The following WWOX variants were observed in gnomAD, a reference collection of about 807,000 sequenced individuals.
The protein encoded by WWOX is WW domain-containing oxidoreductase.
Under a neutral mutation model 46.2 loss-of-function variants are expected in WWOX, and 69 were observed. The observed-to-expected ratio is 1.49, with a 90% confidence interval of 1.23 to 1.82. The LOEUF is 1.82. Among genes scored for constraint, WWOX ranks in the 40% most tolerant of loss-of-function variants. The pLI, the probability that WWOX is intolerant of heterozygous loss-of-function variation, is 0.00. For synonymous variants in WWOX, 359 were observed against 202.6 expected, an observed-to-expected ratio of 1.77 and a Z score of -6.56; for missense variants, 919 against 542.6, an observed-to-expected ratio of 1.69 and a Z score of -6.89.
chr16:78,837,780 C>G (rs919279338), intron 8 of WWOX, among the ~76,000 whole-genome samples: 2 of 152,032 alleles, frequency 1.3e-5, no homozygotes, highest in African/African-American at 4.8e-5. Flanking sequence ...TCTATACTTC[C>G]TAGATTTGGG....
intron 8 of WWOX, among the ~76,000 whole-genome samples, chr16:78,569,174 A>G (rs1434433093): frequency 6.6e-6 from 1 of 152,200 alleles, no homozygotes; most frequent in Non-Finnish European, 1.5e-5. Context: ...ATGGGCAGAA[A>G]TGTGACTTTC....
At chr16:78,628,440 T>A (rs982422605) in intron 8 of WWOX, among the ~76,000 whole-genome samples, 3 of 152,176 alleles carry the variant, frequency 2.0e-5, no homozygotes, top group African/African-American at 7.2e-5. Context: ...GAATCAGTAT[T>A]TCTATCAAGC....
chr16:78,906,697 T>C (rs1193382486), intron 8 of WWOX, among the ~76,000 whole-genome samples: 1 of 152,234 alleles, frequency 6.6e-6, no homozygotes, highest in Non-Finnish European at 1.5e-5. Flanking sequence ...GGAAGGACCT[T>C]ATCCTGTCAG....
intron 8 of WWOX, among the ~76,000 whole-genome samples, chr16:78,514,908 A>C (rs367718006): frequency 6.6e-6 from 1 of 152,194 alleles, no homozygotes; most frequent in Non-Finnish European, 1.5e-5. Flanking sequence ...TCAGGTAGCA[A>C]GATGGCCATG....
intron 8 of WWOX, among the ~76,000 whole-genome samples, chr16:78,787,461 T>G: frequency 6.6e-6 from 1 of 152,208 alleles, no homozygotes; most frequent in African/African-American, 2.4e-5. Context: ...TTAGCATGCT[T>G]TCAAGGTTCA....
chr16:78,579,588 A>G (rs552270393), intron 8 of WWOX, among the ~76,000 whole-genome samples: 1 of 152,268 alleles, frequency 6.6e-6, no homozygotes, highest in African/African-American at 2.4e-5. Flanking sequence ...TCTAATTAAG[A>G]AACAGAAGCC....
intron 8 of WWOX, among the ~76,000 whole-genome samples, chr16:78,648,776 C>A (rs572926773): frequency 2.0e-5 from 3 of 152,186 alleles, no homozygotes; most frequent in Non-Finnish European, 4.4e-5. Flanking sequence ...TCTCCACCTC[C>A]TTTGAGCCTC....
intron 5 of WWOX, among the ~76,000 whole-genome samples, chr16:78,369,227 G>T (rs988750734): frequency 6.6e-6 from 1 of 152,106 alleles, no homozygotes; most frequent in African/African-American, 2.4e-5. Context: ...AGTGATGTCA[G>T]ATTTCTCCTC....
rs79911712 is a variant in WWOX, at chr16:78,610,010, A to G, written c.1056+177258A>G. On this transcript the variant is annotated intron_variant, in intron 8 of 8. Transcript: ENST00000566780. Reference sequence around the variant, plus strand: ...ACAGTGACGCAAACGACCTTTATTTAGCAGAAGGTAGCTCTGCGAATCCGC... The same window carrying G: ...ACAGTGACGCAAACGACCTTTATTTGGCAGAAGGTAGCTCTGCGAATCCGC... Among the ~76,000 whole-genome samples the G allele has an allele frequency of 1.8e-3, 217 of 122,040 alleles. 1 individual carries two copies. Among genetic ancestry groups the G allele is most frequent in the African/African-American group, 6.9e-3 (210 of 30,642 alleles). The allele number at this position is 122,040 out of a possible 152,430, so 80.1% of individuals were successfully genotyped here. A position where few individuals can be genotyped will look rare whatever the true frequency, so the allele number is the denominator to read the frequency against.
chr16:78,456,391 A>T (rs1221300995), intron 8 of WWOX, among the ~76,000 whole-genome samples: 3 of 151,250 alleles, frequency 2.0e-5, no homozygotes, highest in African/African-American at 2.5e-5. Context: ...GTTAAAAAAA[A>T]TTTAATTTTG....
At chr16:78,929,344 T>C (rs978525484) in intron 8 of WWOX, among the ~76,000 whole-genome samples, 2 of 152,156 alleles carry the variant, frequency 1.3e-5, no homozygotes, top group Non-Finnish European at 2.9e-5. Flanking sequence ...ATTTTCAGTT[T>C]CTATATAGTG....
chr16:79,158,071 AG>A lies in WWOX; in HGVS notation c.1057-53533del, dbSNP rs765614615. Among the ~76,000 whole-genome samples the A allele has an allele frequency of 6.2e-4, 94 of 152,242 alleles. No individual in the cohort carries two copies. In the Middle Eastern group the frequency reaches 0.01, roughly 17 times the overall value. Reference sequence around the variant, plus strand: ...CCTCTAGGAATTTATTGACCCTGGGAGGGGAGATCCCAGATGTCAAAGCATG... The same window carrying A: ...CCTCTAGGAATTTATTGACCCTGGGAGGGAGATCCCAGATGTCAAAGCATG... On this transcript the variant is annotated intron_variant, in intron 8 of 8. Coordinates refer to ENST00000566780, the MANE Select transcript of WWOX (RefSeq NM_016373.4).
At position 78,424,947 on chromosome 16, in the gene WWOX, C is replaced by T. The variant is rs761250135; in HGVS notation, c.683C>T (p.Thr228Ile). The T allele has an allele frequency of 6.2e-7, 1 of 1,614,024 alleles. No individual in the cohort carries two copies. Among genetic ancestry groups the T allele is most frequent in the Admixed American group, 1.7e-5 (1 of 59,992 alleles). ...WSLTKDGLETTFQVNHLGHFY... is the reference protein window; with the variant it reads ...WSLTKDGLETIFQVNHLGHFY... The stretch of plus-strand genomic sequence containing the variant: ...CTCACCAAAGATGGCCTGGAGACCA[C>T]CTTTCAAGTGAATCATCTGGGGCAC... The change falls in exon 7 of 9, where the codon ACC (threonine) becomes ATC (isoleucine). Residue 228 changes from threonine to isoleucine, a missense_variant. Coordinates refer to ENST00000566780, the MANE Select transcript of WWOX (RefSeq NM_016373.4).
Position 79,212,011 on chromosome 16 carries a change from T to C in WWOX, c.*215T>C. 4 of 1,536,240 alleles carry C rather than the reference T, an allele frequency of 2.6e-6. No homozygotes were observed. Among genetic ancestry groups the C allele is most frequent in the Non-Finnish European group, 3.5e-6 (4 of 1,146,936 alleles). ...CACTTTTCTGGGGCTGGGCTAGGCA[T>C]AGGTCTCTTTGCTTTCTGGTGGTGG... On this transcript the variant is annotated 3_prime_UTR_variant, in exon 9 of 9. Transcript: ENST00000566780.
intron 8 of WWOX, among the ~76,000 whole-genome samples, chr16:78,661,689 G>C (rs962079500): frequency 1.3e-5 from 2 of 152,132 alleles, no homozygotes; most frequent in Non-Finnish European, 2.9e-5. Context: ...GGGGGGAAAA[G>C]CTTCAGGGAA....
chr16:78,530,324 C>G (rs760036830), intron 8 of WWOX, among the ~76,000 whole-genome samples: 3 of 152,120 alleles, frequency 2.0e-5, no homozygotes, highest in African/African-American at 4.8e-5. Flanking sequence ...GTCCAGTGTC[C>G]AGGAGGAACG....
chr16:78,321,404 GTATA>G (rs200078504), intron 5 of WWOX, among the ~76,000 whole-genome samples: 4 of 119,744 alleles, frequency 3.3e-5, no homozygotes, highest in Non-Finnish European at 6.8e-5. Flanking sequence ...GTATATATAC[GTATA>G]TATATATGTG....
intron 8 of WWOX, among the ~76,000 whole-genome samples, chr16:78,750,153 G>T (rs1427344033): frequency 6.6e-6 from 1 of 152,200 alleles, no homozygotes; most frequent in Non-Finnish European, 1.5e-5. Flanking sequence ...GCAACACCTC[G>T]GTGAAAGTAG....
chr16:78,245,694 A>G (rs923792627), intron 5 of WWOX, among the ~76,000 whole-genome samples: 3 of 152,252 alleles, frequency 2.0e-5, no homozygotes, highest in Admixed American at 2.0e-4. Context: ...GTCATCCCAT[A>G]GAATGCCACC....
Sources: gnomAD v4.1 joint callset for allele counts (sites outside exome capture counted in the v4.1 genomes callset) on GRCh38, gnomAD v4.1.1 for gene constraint, MANE v1.5 for transcripts, NCBI Gene and HGNC (gene_info 2026-07-23, HGNC 2026-07-21) for gene names.